Variants in B3GALT1 observed in about 807,000 individuals in gnomAD.
B3GALT1 encodes UDP-Gal:betaGlcNAc beta 1,3-galactosyltransferase, polypeptide 1.
A neutral mutation model predicts 23.2 loss-of-function variants in B3GALT1; 10 were observed. The observed-to-expected ratio is 0.43, with a 90% confidence interval of 0.27 to 0.73. The LOEUF (loss-of-function observed/expected upper bound fraction) is 0.73. Among genes scored for constraint, B3GALT1 ranks in the 30% least tolerant of loss-of-function variants. The pLI is 0.21. For missense variants in B3GALT1, 299 were observed against 405.4 expected (o/e 0.74, Z 2.25); for synonymous variants, 156 against 141.5 (o/e 1.10, Z -0.73).
intron 3 of B3GALT1, among the ~76,000 whole-genome samples, chr2:167,777,360 T>G (rs536824009): frequency 2.0e-5 from 3 of 152,364 alleles, no homozygotes; most frequent in Admixed American, 2.0e-4. Context: ...GTTGTTTTGT[T>G]TTTTGAGACA....
intron 3 of B3GALT1, among the ~76,000 whole-genome samples, chr2:167,666,800 T>G (rs1251583065): frequency 6.6e-6 from 1 of 152,208 alleles, no homozygotes; most frequent in Non-Finnish European, 1.5e-5. Context: ...TTCCATTTGC[T>G]TGGTAGATCT....
chr2:167,854,824 T>TAGTC (rs1426030796), intron 4 of B3GALT1, among the ~76,000 whole-genome samples: 6 of 152,150 alleles, frequency 3.9e-5, no homozygotes, highest in Non-Finnish European at 7.4e-5. Flanking sequence ...TTATTGACCA[T>TAGTC]AGTCACATCG....
At chr2:167,576,019 A>G (rs1009435016) in intron 2 of B3GALT1, among the ~76,000 whole-genome samples, 1 of 151,902 alleles carries the variant, frequency 6.6e-6, no homozygotes, top group East Asian at 1.9e-4. Context: ...ATAAAAATCC[A>G]TATACTCAGT....
At chr2:167,771,601 A>G (rs1688073480) in intron 3 of B3GALT1, among the ~76,000 whole-genome samples, 1 of 152,308 alleles carries the variant, frequency 6.6e-6, no homozygotes. Context: ...ACAAAAAACA[A>G]TCAAGTATCT....
chr2:167,445,259 T>C (rs920737914), intron 1 of B3GALT1, among the ~76,000 whole-genome samples: 1 of 152,208 alleles, frequency 6.6e-6, no homozygotes, highest in Non-Finnish European at 1.5e-5. Flanking sequence ...TTCTTTTACA[T>C]TTGCTGAGGA....
chr2:167,434,160 T>C (rs141365754), intron 1 of B3GALT1, among the ~76,000 whole-genome samples: 86 of 152,278 alleles, frequency 5.6e-4, no homozygotes, highest in African/African-American at 1.9e-3. Flanking sequence ...AGTCAAGATA[T>C]TGAAATTTAA....
At chr2:167,527,951 C>T (rs1683250066) in intron 2 of B3GALT1, among the ~76,000 whole-genome samples, 1 of 152,124 alleles carries the variant, frequency 6.6e-6, no homozygotes, top group Non-Finnish European at 1.5e-5. Flanking sequence ...TAAACTGTTG[C>T]TCTTTTTTGA....
chr2:167,470,546 A>G (rs73022085), intron 1 of B3GALT1, among the ~76,000 whole-genome samples: 2 of 152,058 alleles, frequency 1.3e-5, no homozygotes, highest in Non-Finnish European at 2.9e-5. Flanking sequence ...GTAGTCCTGT[A>G]TGTTTTTTTC....
chr2:167,614,291 A>C (rs1179796675), intron 2 of B3GALT1, among the ~76,000 whole-genome samples: 4 of 151,568 alleles, frequency 2.6e-5, no homozygotes, highest in African/African-American at 9.7e-5. Context: ...GAAAAAAAAA[A>C]CCCATTCAAT....
chr2:167,566,573 A>C (rs1334326959), intron 2 of B3GALT1, among the ~76,000 whole-genome samples: 1 of 147,254 alleles, frequency 6.8e-6, no homozygotes, highest in Non-Finnish European at 1.5e-5. Flanking sequence ...CAAAATAAAA[A>C]AGAATAACGT....
chr2:167,381,245 G>A (rs1411595111), intron 1 of B3GALT1, among the ~76,000 whole-genome samples: 1 of 151,914 alleles, frequency 6.6e-6, no homozygotes, highest in Non-Finnish European at 1.5e-5. Context: ...TTTTTTTTCA[G>A]AGATGGAGTC....
At chr2:167,498,968 A>C (rs188269798) in intron 2 of B3GALT1, among the ~76,000 whole-genome samples, 35 of 152,280 alleles carry the variant, frequency 2.3e-4, no homozygotes, top group African/African-American at 8.2e-4. Flanking sequence ...AAATAATTAC[A>C]AAAACAGCCT....
At chr2:167,350,686 G>A (rs1697295914) in intron 1 of B3GALT1, among the ~76,000 whole-genome samples, 1 of 152,200 alleles carries the variant, frequency 6.6e-6, no homozygotes. Flanking sequence ...CGTGGGGCAA[G>A]GGTTGGTGTC....
intron 3 of B3GALT1, among the ~76,000 whole-genome samples, chr2:167,812,338 G>T (rs1264944983): frequency 1.3e-5 from 2 of 152,182 alleles, no homozygotes; most frequent in South Asian, 4.1e-4. Flanking sequence ...TTAATTTTAA[G>T]AACTAGTTTC....
chr2:167,460,232 A>G (rs1699238463), intron 1 of B3GALT1, among the ~76,000 whole-genome samples: 1 of 152,168 alleles, frequency 6.6e-6, no homozygotes. Flanking sequence ...GGAGTTCAAC[A>G]ACACATATAC....
At position 167,721,568 on chromosome 2, in the gene B3GALT1, G is replaced by A. The variant is rs181340622; in HGVS notation, c.-352+74602G>A. On this transcript the variant is annotated intron_variant, in intron 3 of 4. Coordinates refer to ENST00000392690, the MANE Select transcript of B3GALT1 (RefSeq NM_020981.4). Reference sequence around the variant, plus strand: ...GGAACAAGAACACAGACACCAGCTAGAAATTGATAGAACAAGAATCAGACC... The same window carrying A: ...GGAACAAGAACACAGACACCAGCTAAAAATTGATAGAACAAGAATCAGACC... Among the ~76,000 whole-genome samples the A allele has an allele frequency of 3.9e-5, 6 of 152,298 alleles. No homozygotes were observed. In the East Asian group the frequency reaches 7.7e-4, roughly 20 times the overall value.
chr2:167,835,209 C>T (rs577480067), intron 4 of B3GALT1, among the ~76,000 whole-genome samples: 62 of 152,144 alleles, frequency 4.1e-4, no homozygotes, highest in Non-Finnish European at 7.1e-4. Flanking sequence ...ACACCATGCG[C>T]GAGCCGAAGC....
chr2:167,632,878 A>G (rs1209343984), intron 2 of B3GALT1, among the ~76,000 whole-genome samples: 1 of 152,042 alleles, frequency 6.6e-6, no homozygotes, highest in Non-Finnish European at 1.5e-5. Flanking sequence ...GCCCATGCCT[A>G]TGTCCTGAAT....
chr2:167,591,621 A>C (rs556132512), intron 2 of B3GALT1, among the ~76,000 whole-genome samples: 1 of 152,120 alleles, frequency 6.6e-6, no homozygotes, highest in East Asian at 1.9e-4. Flanking sequence ...AGGTGCATGC[A>C]ACCAAAATAC....
Sources: allele counts gnomAD v4.1 joint callset (sites outside exome capture counted in the v4.1 genomes callset), GRCh38; gene constraint gnomAD v4.1.1; transcripts MANE v1.5; gene names NCBI Gene and HGNC (gene_info 2026-07-23, HGNC 2026-07-21).